Variants in MOXD1 observed in about 807,000 individuals in gnomAD.
The protein encoded by MOXD1 is DBH-like monooxygenase protein 1.
A neutral mutation model predicts 66.6 loss-of-function variants in MOXD1; 62 were observed. That is an observed-to-expected ratio of 0.93 (90% CI 0.76 to 1.15). MOXD1 has a LOEUF of 1.15. MOXD1 is among the 50% of genes most tolerant of loss of function. MOXD1 has a pLI of 0.00. For missense variants in MOXD1, 847 were observed against 754.6 expected, an observed-to-expected ratio of 1.12 and a Z score of -1.44; for synonymous variants, 303 against 281.9, an observed-to-expected ratio of 1.07 and a Z score of -0.75.
At chr6:132,316,184 G>T (rs1774951485) in intron 9 of MOXD1, among the ~76,000 whole-genome samples, 1 of 152,004 alleles carries the variant, frequency 6.6e-6, no homozygotes, top group African/African-American at 2.4e-5. Flanking sequence ...CGGGGAGAAA[G>T]ATTTCATATT....
chr6:132,377,853 C>T (rs191153724), intron 1 of MOXD1, among the ~76,000 whole-genome samples: 13 of 152,118 alleles, frequency 8.5e-5, no homozygotes, highest in East Asian at 1.9e-4. Flanking sequence ...ACAGGCTGGG[C>T]GCAGTGGCTC....
chr6:132,301,460 G>A (rs1487234774), intron 10 of MOXD1, among the ~76,000 whole-genome samples: 1 of 151,874 alleles, frequency 6.6e-6, no homozygotes, highest in Non-Finnish European at 1.5e-5. Context: ...TTTATACTTG[G>A]TCCCTCTGTT....
rs541186532 is a variant in MOXD1, at chr6:132,308,682, C to T, written c.1508+6953G>A. 3.7e-4 allele frequency among the ~76,000 whole-genome samples: 56 copies of T among 152,188 alleles called. No homozygotes were observed. In the South Asian group the frequency reaches 0.01, roughly 28 times the overall value. On this transcript the variant is annotated intron_variant, in intron 10 of 11. Transcript: ENST00000367963. ...AAAAACTTATCCACCACAATCAAGT[C>T]GGCTTCATCCCTGGGATACAAGGCA...
chr6:132,360,423 C>G (rs766535555), intron 4 of MOXD1, among the ~76,000 whole-genome samples: 3 of 152,146 alleles, frequency 2.0e-5, no homozygotes, highest in Non-Finnish European at 4.4e-5. Flanking sequence ...TGGTTCTTAT[C>G]ATCTAATTTT....
chr6:132,396,622 A>G (rs1240010498), intron 1 of MOXD1, among the ~76,000 whole-genome samples: 1 of 152,098 alleles, frequency 6.6e-6, no homozygotes, highest in Non-Finnish European at 1.5e-5. Flanking sequence ...AAACTTGATA[A>G]ACAACTTGCT....
intron 4 of MOXD1, among the ~76,000 whole-genome samples, chr6:132,346,916 C>A: frequency 6.6e-6 from 1 of 152,242 alleles, no homozygotes; most frequent in Admixed American, 6.5e-5. Context: ...ATTTACTAAA[C>A]GCTATAAGAA....
chr6:132,376,145 C>G (rs547534454), intron 1 of MOXD1, among the ~76,000 whole-genome samples: 1 of 152,202 alleles, frequency 6.6e-6, no homozygotes, highest in African/African-American at 2.4e-5. Context: ...TTTTCAGTAC[C>G]TGATGATATT....
chr6:132,360,167 A>AT (rs1441061208), intron 4 of MOXD1, among the ~76,000 whole-genome samples: 3 of 152,132 alleles, frequency 2.0e-5, no homozygotes, highest in Non-Finnish European at 4.4e-5. Flanking sequence ...TCAGCGTCCT[A>AT]TTTTTTTAGT....
intron 9 of MOXD1, 138 bp from the exon 10 acceptor site, chr6:132,315,915 G>C: frequency 1.1e-6 from 1 of 872,996 alleles, no homozygotes; most frequent in Non-Finnish European, 1.7e-6. Flanking sequence ...TAAAAAACTG[G>C]CTTTTTAGAA....
At chr6:132,373,671 G>C (rs758310549) in intron 2 of MOXD1, among the ~76,000 whole-genome samples, 23 of 152,184 alleles carry the variant, frequency 1.5e-4, no homozygotes, top group Non-Finnish European at 2.1e-4. Flanking sequence ...AGGAGAGATT[G>C]CCCAAAGGGC....
chr6:132,362,027 C>T lies in MOXD1; in HGVS notation c.663+10581G>A, dbSNP rs1582594669. On this transcript the variant is annotated intron_variant, in intron 4 of 11. Coordinates refer to ENST00000367963, the MANE Select transcript of MOXD1 (RefSeq NM_015529.4). ...GAGTTTCCACATATAATTTTTCCTG[C>T]TAATCACTAAAAGCTCCATTTATAA... Among the ~76,000 whole-genome samples the T allele has an allele frequency of 2.0e-5, 3 of 152,100 alleles. No individual in the cohort carries two copies. In the Middle Eastern group the frequency reaches 0.01, roughly 524 times the overall value.
rs931767778 is a variant in MOXD1, at chr6:132,378,146, T to G, written c.265-3369A>C. On this transcript the variant is annotated intron_variant, in intron 1 of 11. Transcript: ENST00000367963. The stretch of plus-strand genomic sequence containing the variant: ...GAAACTCCATCTCAAAAAAAAAATT[T>G]TTTTTTCATATTTTCCAACTTTGAG... Among the ~76,000 whole-genome samples the G allele has an allele frequency of 3.3e-5, 5 of 152,156 alleles. No individual in the cohort carries two copies. In the East Asian group the frequency reaches 9.7e-4, roughly 29 times the overall value.
intron 4 of MOXD1, among the ~76,000 whole-genome samples, chr6:132,348,818 A>C (rs1022703803): frequency 6.6e-6 from 1 of 152,090 alleles, no homozygotes; most frequent in African/African-American, 2.4e-5. Context: ...TAATGGTTCC[A>C]AAAAAGACTG....
chr6:132,321,063 A>T (rs1775069096), intron 8 of MOXD1, among the ~76,000 whole-genome samples: 1 of 152,114 alleles, frequency 6.6e-6, no homozygotes, highest in Non-Finnish European at 1.5e-5. Context: ...TCAGGAGTTC[A>T]AGACCAGCCT....
intron 1 of MOXD1, among the ~76,000 whole-genome samples, chr6:132,393,068 T>C (rs150023120): frequency 6.6e-6 from 1 of 152,154 alleles, no homozygotes; most frequent in Non-Finnish European, 1.5e-5. Context: ...ATTTCAGAAG[T>C]CTTTTTCTAG....
At chr6:132,298,891 T>C (rs951570689) in intron 10 of MOXD1, among the ~76,000 whole-genome samples, 2 of 152,134 alleles carry the variant, frequency 1.3e-5, no homozygotes, top group African/African-American at 4.8e-5. Context: ...AAAACAGAAC[T>C]ACCATTCAAC....
At chr6:132,342,005 C>CT (rs34326046) in intron 4 of MOXD1, among the ~76,000 whole-genome samples, 207 of 149,004 alleles carry the variant, frequency 1.4e-3, no homozygotes, top group Admixed American at 2.2e-3. Context: ...TACAAATCAG[C>CT]TTTTTTTTTT....
rs1384796672 is a variant in MOXD1 at position 132,348,977 on chromosome 6, ATTTTATT to A, written c.664-20390_664-20384del. Among the ~76,000 whole-genome samples, 3 of 150,322 alleles carry A rather than the reference ATTTTATT, an allele frequency of 2.0e-5. No individual in the cohort carries two copies. The East Asian group carries it at 5.8e-4, about 29-fold the overall frequency. On this transcript the variant is annotated intron_variant, in intron 4 of 11. Coordinates refer to ENST00000367963, the MANE Select transcript of MOXD1 (RefSeq NM_015529.4). ...TTCTCTCCTTATTTATTTTTATTTT[ATTTTATT>A]TTTTATTTTTCCAAGGGTTACGGGG...
At chr6:132,341,801 C>T (rs1368832427) in intron 4 of MOXD1, among the ~76,000 whole-genome samples, 1 of 152,144 alleles carries the variant, frequency 6.6e-6, no homozygotes, top group African/African-American at 2.4e-5. Flanking sequence ...TTTGTTTTCC[C>T]TGGATGCTTA....
Sources: gnomAD v4.1 joint callset for allele counts (sites outside exome capture counted in the v4.1 genomes callset) on GRCh38, gnomAD v4.1.1 for gene constraint, MANE v1.5 for transcripts, NCBI Gene and HGNC (gene_info 2026-07-23, HGNC 2026-07-21) for gene names.